NBEA: variants seen among roughly 807,000 people sequenced by gnomAD.
The protein encoded by NBEA is neurobeachin.
NBEA carries 44 observed loss-of-function variants against 343.4 expected under a neutral mutation model. The observed-to-expected ratio is 0.13, with a 90% CI of 0.10 to 0.16. The LOEUF (loss-of-function observed/expected upper bound fraction) is 0.16, where lower values mean the gene tolerates loss of function less well. Among genes scored for constraint, NBEA ranks in the 10% least tolerant of loss-of-function variants. The probability of loss-of-function intolerance (pLI) is 1.00; values close to 1 mark genes in which losing one functional copy is unlikely to be tolerated. For synonymous variants in NBEA, 1,175 were observed against 1,238.7 expected, an observed-to-expected ratio of 0.95 and a Z score of 1.08; for missense variants, 2,555 against 3,631.3, an observed-to-expected ratio of 0.70 and a Z score of 7.62.
intron 34 of NBEA, among the ~76,000 whole-genome samples, chr13:35,240,917 T>G (rs1297148125): frequency 1.3e-5 from 2 of 151,806 alleles, no homozygotes; most frequent in African/African-American, 2.4e-5. Flanking sequence ...TGCAGTTTAC[T>G]TATTAATATT....
At chr13:35,219,961 TC>T (rs2152760536) in intron 33 of NBEA, among the ~76,000 whole-genome samples, 1 of 152,276 alleles carries the variant, frequency 6.6e-6, no homozygotes, top group South Asian at 2.1e-4. Flanking sequence ...TGCTGTTTAA[TC>T]AAATATCTGG....
At chr13:35,024,236 C>T (rs771233894) in intron 1 of NBEA, among the ~76,000 whole-genome samples, 4 of 152,100 alleles carry the variant, frequency 2.6e-5, no homozygotes, top group Non-Finnish European at 2.9e-5. Flanking sequence ...TTATCCAGCC[C>T]ACTGTTGATG....
chr13:35,601,978 C>G (rs575150568), intron 47 of NBEA, among the ~76,000 whole-genome samples: 18 of 152,114 alleles, frequency 1.2e-4, no homozygotes, highest in African/African-American at 4.3e-4. Context: ...AATGAGAACA[C>G]CTACTTCACA....
chr13:35,147,100 T>C (rs2068479463), intron 18 of NBEA, among the ~76,000 whole-genome samples: 1 of 152,160 alleles, frequency 6.6e-6, no homozygotes, highest in Non-Finnish European at 1.5e-5. Flanking sequence ...ATTTTTTCAT[T>C]CCCTTCACTA....
intron 1 of NBEA, among the ~76,000 whole-genome samples, chr13:34,962,815 G>A (rs537662584): frequency 2.0e-5 from 3 of 152,074 alleles, no homozygotes; most frequent in East Asian, 3.9e-4. Flanking sequence ...GATGTGTTTT[G>A]TGAAGATTTA....
At chr13:35,000,715 G>C (rs1354163797) in intron 1 of NBEA, among the ~76,000 whole-genome samples, 1 of 151,918 alleles carries the variant, frequency 6.6e-6, no homozygotes, top group African/African-American at 2.4e-5. Context: ...GGGGAGGTGT[G>C]AAGGTCAAGT....
At chr13:35,315,385 C>T (rs999002856) in intron 36 of NBEA, among the ~76,000 whole-genome samples, 20 of 152,086 alleles carry the variant, frequency 1.3e-4, no homozygotes, top group Non-Finnish European at 2.6e-4. Flanking sequence ...TTAAAGGAAT[C>T]TAACAAAGGA....
intron 46 of NBEA, chr13:35,592,868 A>AAGG (rs2081599884): frequency 1.6e-3 from 2 of 1,232 alleles, no homozygotes; most frequent in East Asian, 0.062. Flanking sequence ...ACAGGTAATC[A>AAGG]TGGACATTCT....
At chr13:35,089,738 T>G (rs1301300520) in intron 10 of NBEA, among the ~76,000 whole-genome samples, 4 of 145,936 alleles carry the variant, frequency 2.7e-5, no homozygotes, top group South Asian at 2.2e-4. Flanking sequence ...CCATAAAAAA[T>G]GATGAGTTCA....
chr13:35,484,274 G>GTGTATATA (rs540794455), intron 41 of NBEA, among the ~76,000 whole-genome samples: 2 of 115,136 alleles, frequency 1.7e-5, no homozygotes, highest in Admixed American at 9.3e-5. Flanking sequence ...GTGTGTGTGT[G>GTGTATATA]TATATATATA....
intron 30 of NBEA, chr13:35,186,470 T>C (rs1291190527): frequency 2.6e-5 from 4 of 152,208 alleles, no homozygotes; most frequent in African/African-American, 4.8e-5. Context: ...AATCCATTTC[T>C]GTCATTGAAA....
At chr13:35,348,184 T>G (rs2039992925) in intron 36 of NBEA, among the ~76,000 whole-genome samples, 1 of 152,102 alleles carries the variant, frequency 6.6e-6, no homozygotes, top group Non-Finnish European at 1.5e-5. Context: ...CTCTGCCACA[T>G]GTTATTAAAG....
intron 1 of NBEA, 141 bp downstream of exon 1, chr13:34,943,255 C>T: frequency 8.8e-7 from 1 of 1,140,362 alleles, no homozygotes. Flanking sequence ...CGGTATTGCC[C>T]AGCGGGTGAC....
At chr13:35,202,754 ATCCAATTGCTT>A (rs2073109555) in intron 31 of NBEA, among the ~76,000 whole-genome samples, 1 of 152,122 alleles carries the variant, frequency 6.6e-6, no homozygotes, top group Non-Finnish European at 1.5e-5. Flanking sequence ...AGACTTATCT[ATCCAATTGCTT>A]ATTCAACATT....
At chr13:35,266,071 A>G (rs561636479) in intron 34 of NBEA, among the ~76,000 whole-genome samples, 1 of 152,092 alleles carries the variant, frequency 6.6e-6, no homozygotes, top group African/African-American at 2.4e-5. Flanking sequence ...AAGAAATACA[A>G]GTGGCCAAGA....
chr13:35,152,192 T>C (rs1311151613), intron 18 of NBEA, among the ~76,000 whole-genome samples: 1 of 152,212 alleles, frequency 6.6e-6, no homozygotes, highest in African/African-American at 2.4e-5. Flanking sequence ...AAGGAAAACA[T>C]ATATTTTTTA....
intron 41 of NBEA, among the ~76,000 whole-genome samples, chr13:35,528,416 A>C (rs2078088530): frequency 6.6e-6 from 1 of 152,262 alleles, no homozygotes; most frequent in Non-Finnish European, 1.5e-5. Context: ...TAGGTAAATT[A>C]AGAACCAGAA....
At position 35,232,637 on chromosome 13, in the gene NBEA, T is replaced by TCTATCCATCAAAGAA; in HGVS notation, c.5776+18_5776+19insCTATCCATCAAAGAA. 6.9e-7 allele frequency: 1 copy of TCTATCCATCAAAGAA among 1,445,892 alleles called. No individual in the cohort carries two copies. The allele number at this position is 1,445,892 out of a possible 1,614,324, so 89.6% of individuals were successfully genotyped here. A position where few individuals can be genotyped will look rare whatever the true frequency, so the allele number is the denominator to read the frequency against. ...GATAGAAGGTATGATTTCTCTATTA[T>TCTATCCATCAAAGAA]AATTATTTTAGTTTCCTATAATGTA... On this transcript the variant is annotated intron_variant, in intron 34 of 58. Coordinates refer to ENST00000379939, the MANE Select transcript of NBEA (RefSeq NM_001385012.1).
In NBEA at chr13:35,521,551, G is replaced by A. The variant is rs117570694; in HGVS notation, c.6586-28926G>A. Among the ~76,000 whole-genome samples the A allele has an allele frequency of 1.6e-4, 24 of 152,278 alleles. No individual in the cohort carries two copies. In the East Asian group the frequency reaches 4.6e-3, roughly 29 times the overall value. On this transcript the variant is annotated intron_variant, in intron 41 of 58. Coordinates refer to ENST00000379939, the MANE Select transcript of NBEA (RefSeq NM_001385012.1). Reference sequence around the variant, plus strand: ...TTTGTCTGGATGTCTCCCCTTCTGGGCCACGTGGTTCTTTGTCTCTGCTTC... The same window carrying A: ...TTTGTCTGGATGTCTCCCCTTCTGGACCACGTGGTTCTTTGTCTCTGCTTC...
Sources: allele counts gnomAD v4.1 joint callset (sites outside exome capture counted in the v4.1 genomes callset), GRCh38; gene constraint gnomAD v4.1.1; transcripts MANE v1.5; gene names NCBI Gene and HGNC (gene_info 2026-07-23, HGNC 2026-07-21).